The following PDE4D variants were observed in gnomAD, a reference collection of about 807,000 sequenced individuals.
PDE4D encodes the protein phosphodiesterase 4D, also known as 3',5'-cyclic-AMP phosphodiesterase 4D.
A neutral mutation model predicts 87.4 loss-of-function variants in PDE4D; 24 were observed. The ratio of observed to expected loss-of-function variants is 0.27; its 90% CI spans 0.20 to 0.39. The LOEUF (loss-of-function observed/expected upper bound fraction) is 0.39. Ranked by LOEUF, PDE4D falls within the 10% of genes least tolerant of loss-of-function variation. The pLI, the probability that PDE4D is intolerant of heterozygous loss-of-function variation, is 1.00. For synonymous variants in PDE4D, 384 were observed against 383.2 expected (o/e 1.00, Z -0.02); for missense variants, 714 against 1,041.0 (o/e 0.69, Z 4.32).
chr5:59,977,382 C>G (rs779166946), intron 3 of PDE4D, among the ~76,000 whole-genome samples: 3 of 152,190 alleles, frequency 2.0e-5, no homozygotes, highest in Non-Finnish European at 4.4e-5. Context: ...TAATCCCAAA[C>G]AAGGCCCTAA....
chr5:59,367,691 A>T (rs1783290800), intron 1 of PDE4D, among the ~76,000 whole-genome samples: 1 of 152,260 alleles, frequency 6.6e-6, no homozygotes, highest in Admixed American at 6.5e-5. Context: ...GGTATTATTT[A>T]AAATCAAATC....
In PDE4D at chr5:59,584,262, C is replaced by A. The variant is rs539410804; in HGVS notation, c.455+308906G>T. 1.3e-4 allele frequency among the ~76,000 whole-genome samples: 20 copies of A among 152,294 alleles called. No individual in the cohort carries two copies. The South Asian group carries it at 3.9e-3, about 30-fold the overall frequency. ...GGAAAACAACAACCATTGAGAAAGT[C>A]AAGAACCAAGCACAAAATTAATTAG... On this transcript the variant is annotated intron_variant, in intron 1 of 14. Transcript: ENST00000340635.
intron 1 of PDE4D, among the ~76,000 whole-genome samples, chr5:59,813,481 CAT>C (rs1491412648): frequency 0.22 from 30,909 of 139,160 alleles, 3,934 homozygotes; most frequent in Admixed American, 0.33. Context: ...CACACACACA[CAT>C]ATGCCTGTCA....
rs115543222 is a variant in PDE4D, at chr5:60,091,474, A to T, written c.42+94083T>A. Among the ~76,000 whole-genome samples, 401 of 152,288 alleles carry T rather than the reference A, an allele frequency of 2.6e-3. 3 individuals carry two copies. The highest frequency in any genetic ancestry group is 9.3e-3 in the African/African-American group (386 of 41,570). On this transcript the variant is annotated intron_variant, in intron 2 of 16. Coordinates refer to the PDE4D transcript ENST00000502484. ...AGTTTAAATGGTAATTATCAAAAAG[A>T]CAAAAAATAAACAATGCTTTCAAGG...
At position 59,619,937 on chromosome 5, in the gene PDE4D, G is replaced by C. The variant is rs561369698; in HGVS notation, c.455+273231C>G. ...ATTTGCTTTAGCACTGTTATGCTTTGCTTTTTGAAGGAAGTGTTTTAAGTA... is the reference window on the plus strand; with the variant it reads ...ATTTGCTTTAGCACTGTTATGCTTTCCTTTTTGAAGGAAGTGTTTTAAGTA... On this transcript the variant is annotated intron_variant, in intron 1 of 14. Transcript: ENST00000340635. 3.3e-5 allele frequency among the ~76,000 whole-genome samples: 5 copies of C among 152,192 alleles called. No individual in the cohort carries two copies. In the South Asian group the frequency reaches 1.0e-3, roughly 31 times the overall value.
chr5:59,853,272 A>G (rs1744948533), intron 1 of PDE4D, among the ~76,000 whole-genome samples: 1 of 152,090 alleles, frequency 6.6e-6, no homozygotes, highest in Non-Finnish European at 1.5e-5. Flanking sequence ...ACTGAATTTC[A>G]AGAGAAATTT....
At chr5:59,043,219 A>G (rs72770683) in intron 5 of PDE4D, among the ~76,000 whole-genome samples, 36,571 of 152,212 alleles carry the variant, frequency 0.24, 5,200 homozygotes, top group Middle Eastern at 0.35. Flanking sequence ...ATTTAAAAAA[A>G]AAATACAAAT....
chr5:60,141,616 G>C (rs183215370), intron 2 of PDE4D, among the ~76,000 whole-genome samples: 1 of 152,052 alleles, frequency 6.6e-6, no homozygotes, highest in Non-Finnish European at 1.5e-5. Flanking sequence ...CTCTCTGGAC[G>C]TGCTTCACCT....
intron 1 of PDE4D, among the ~76,000 whole-genome samples, chr5:59,634,507 G>A (rs1831992036): frequency 6.6e-6 from 1 of 152,060 alleles, no homozygotes; most frequent in African/African-American, 2.4e-5. Flanking sequence ...CTCAGCAAAT[G>A]CAAAAAACCA....
chr5:59,690,692 T>C (rs1431009351), intron 1 of PDE4D, among the ~76,000 whole-genome samples: 1 of 152,096 alleles, frequency 6.6e-6, no homozygotes, highest in Non-Finnish European at 1.5e-5. Context: ...CCAAAAGCAA[T>C]GGCAACAAAA....
At chr5:59,428,328 T>C (rs1193163930) in intron 1 of PDE4D, among the ~76,000 whole-genome samples, 1 of 152,158 alleles carries the variant, frequency 6.6e-6, no homozygotes, top group African/African-American at 2.4e-5. Context: ...TTATCTTTTA[T>C]TTTTTGTCCC....
At chr5:59,490,173 C>T (rs1010347709) in intron 1 of PDE4D, among the ~76,000 whole-genome samples, 2 of 152,096 alleles carry the variant, frequency 1.3e-5, no homozygotes, top group African/African-American at 4.8e-5. Flanking sequence ...TCTAAAGCAA[C>T]TGTGGAGTAA....
chr5:59,576,470 T>C (rs1193537273), intron 1 of PDE4D, among the ~76,000 whole-genome samples: 1 of 152,188 alleles, frequency 6.6e-6, no homozygotes, highest in Non-Finnish European at 1.5e-5. Context: ...TATAAAGTTA[T>C]TTAATTAAAA....
chr5:59,936,985 G>A (rs1416982863), intron 3 of PDE4D, among the ~76,000 whole-genome samples: 1 of 152,208 alleles, frequency 6.6e-6, no homozygotes, highest in Non-Finnish European at 1.5e-5. Flanking sequence ...ATGCAAAAGA[G>A]GAAGCTCAGC....
chr5:60,151,197 A>G (rs1191527302), intron 2 of PDE4D, among the ~76,000 whole-genome samples: 1 of 152,166 alleles, frequency 6.6e-6, no homozygotes, highest in East Asian at 1.9e-4. Flanking sequence ...GAGTAAACAA[A>G]AAACTTCATA....
chr5:60,409,408 C>T (rs1444143347), intron 1 of PDE4D, among the ~76,000 whole-genome samples: 1 of 151,976 alleles, frequency 6.6e-6, no homozygotes, highest in Non-Finnish European at 1.5e-5. Context: ...AGAGGCGGAG[C>T]AATTACGTGT....
In PDE4D at chr5:59,021,086, C is replaced by G. The variant is rs73101603; in HGVS notation, c.921+17773G>C. 6.6e-3 allele frequency among the ~76,000 whole-genome samples: 1,003 copies of G among 152,216 alleles called. 8 individuals are homozygous for G. Among genetic ancestry groups the G allele is most frequent in the African/African-American group, 0.023 (956 of 41,518 alleles). ...CAGTATTTCAGGGAATCAGAGAAAT[C>G]ATTTGGAAGAGCCTTGAAGGTCATC... On this transcript the variant is annotated intron_variant, in intron 6 of 14. Coordinates refer to ENST00000340635, the MANE Select transcript of PDE4D (RefSeq NM_001104631.2).
At chr5:59,683,861 A>AT (rs1202962843) in intron 1 of PDE4D, among the ~76,000 whole-genome samples, 1 of 152,090 alleles carries the variant, frequency 6.6e-6, no homozygotes, top group Non-Finnish European at 1.5e-5. Context: ...ATACATCAAT[A>AT]TTTTTGTCAT....
chr5:59,293,495 A>G (rs749743918), intron 1 of PDE4D, among the ~76,000 whole-genome samples: 1 of 152,164 alleles, frequency 6.6e-6, no homozygotes, highest in African/African-American at 2.4e-5. Flanking sequence ...GAAAACAGAT[A>G]TATCAGAGTT....
Sources: gnomAD v4.1 joint callset for allele counts (sites outside exome capture counted in the v4.1 genomes callset) on GRCh38, gnomAD v4.1.1 for gene constraint, MANE v1.5 for transcripts, NCBI Gene and HGNC (gene_info 2026-07-23, HGNC 2026-07-21) for gene names.